Variants in G6PC1 observed in about 807,000 individuals in gnomAD.
G6PC1 encodes glucose-6-phosphatase catalytic subunit 1, also known as G-6-Pase.
G6PC1 carries 23 observed loss-of-function variants against 30.4 expected under a neutral mutation model. That is an observed-to-expected ratio of 0.76 (90% CI 0.55 to 1.07). G6PC1 has a LOEUF of 1.07. Ranked by LOEUF, G6PC1 falls within the 50% of genes least tolerant of loss-of-function variation. The probability of loss-of-function intolerance (pLI) is 0.00; values close to 1 mark genes in which losing one functional copy is unlikely to be tolerated. For synonymous variants in G6PC1, 163 were observed against 175.6 expected (o/e 0.93, Z 0.57); for missense variants, 391 against 433.9 (o/e 0.90, Z 0.88).
chr17:42,901,363 G>T (rs1199070270), intron 1 of G6PC1, among the ~76,000 whole-genome samples: 1 of 152,168 alleles, frequency 6.6e-6, no homozygotes, highest in Admixed American at 6.6e-5. Context: ...TGAAAAGTCT[G>T]AGTTATATAG....
intron 4 of G6PC1, among the ~76,000 whole-genome samples, chr17:42,909,812 AG>A (rs2056084236): frequency 6.6e-6 from 1 of 152,124 alleles, no homozygotes; most frequent in African/African-American, 2.4e-5. Context: ...CAAACCTAAT[AG>A]ATAACTGCAG....
intron 1 of G6PC1, among the ~76,000 whole-genome samples, chr17:42,901,750 AACAC>A (rs1355104523): frequency 6.6e-6 from 1 of 152,084 alleles, no homozygotes; most frequent in African/African-American, 2.4e-5. Context: ...GAAAAAAGGA[AACAC>A]ACAGATGATT....
At position 42,908,690 on chromosome 17, in the gene G6PC1, C is replaced by T. The variant is rs558199080; in HGVS notation, c.447-613C>T. 4.0e-5 allele frequency among the ~76,000 whole-genome samples: 6 copies of T among 150,046 alleles called. No individual in the cohort carries two copies. In the South Asian group the frequency reaches 1.3e-3, roughly 32 times the overall value. Reference sequence around the variant, plus strand: ...AAAGTGCTGGGATTGCAGGCATGAGCCACCGCGCCTGGCCTTTTTTTTTTT... The same window carrying T: ...AAAGTGCTGGGATTGCAGGCATGAGTCACCGCGCCTGGCCTTTTTTTTTTT... On this transcript the variant is annotated intron_variant, in intron 3 of 4. Coordinates refer to ENST00000253801, the MANE Select transcript of G6PC1 (RefSeq NM_000151.4).
intron 2 of G6PC1, among the ~76,000 whole-genome samples, chr17:42,906,706 A>C (rs564703368): frequency 6.6e-6 from 1 of 152,224 alleles, no homozygotes; most frequent in African/African-American, 2.4e-5. Context: ...ACAATCAAAC[A>C]AACAAACAAA....
chr17:42,903,803 G>A lies in G6PC1; in HGVS notation c.231-128G>A, dbSNP rs2056041773. 5.5e-6 allele frequency: 4 copies of A among 725,762 alleles called. No individual in the cohort carries two copies. The East Asian group carries it at 1.0e-4, about 19-fold the overall frequency. The allele number at this position is 725,762 out of a possible 1,614,324, so 45.0% of individuals were successfully genotyped here. A position where few individuals can be genotyped will look rare whatever the true frequency, so the allele number is the denominator to read the frequency against. On this transcript the variant is annotated intron_variant, in intron 1 of 4. Coordinates refer to ENST00000253801, the MANE Select transcript of G6PC1 (RefSeq NM_000151.4). Reference sequence around the variant, plus strand: ...TATCTCCCTCTCACACTTCTCCCCAGCCACCCAGTTCTCCCTTCTAGAGGC... The same window carrying A: ...TATCTCCCTCTCACACTTCTCCCCAACCACCCAGTTCTCCCTTCTAGAGGC...
At chr17:42,903,635 G>A (rs2056040763) in intron 1 of G6PC1, among the ~76,000 whole-genome samples, 1 of 151,942 alleles carries the variant, frequency 6.6e-6, no homozygotes. Context: ...GATCCCAGGA[G>A]GTAGAGGTCA....
In G6PC1 at chr17:42,909,350, A is replaced by C; in HGVS notation, c.494A>C (p.Asn165Thr). 3 of 1,614,146 alleles carry C rather than the reference A, an allele frequency of 1.9e-6. No individual in the cohort carries two copies. Among genetic ancestry groups the C allele is most frequent in the Non-Finnish European group, 2.5e-6 (3 of 1,180,030 alleles). Residue 165 changes from asparagine to threonine, a missense_variant, in exon 4 of 5, where the codon AAT becomes ACT. Physicochemically the swap from Asn to Thr is moderately conservative, Grantham distance 65. Transcript: ENST00000253801. ...TTGGGATTCTGGGCTGTGCAGCTGAATGTCTGTCTGTCACGAATCTACCTT... is the reference window on the plus strand; with the variant it reads ...TTGGGATTCTGGGCTGTGCAGCTGACTGTCTGTCTGTCACGAATCTACCTT... The part of the protein sequence containing the change: ...LWLGFWAVQL[N>T]VCLSRIYLAA...
At position 42,903,959 on chromosome 17, in the gene G6PC1, TG is replaced by T. The variant is rs755612674; in HGVS notation, c.262del (p.Val88PhefsTer14). ...WILFGQRPYW[W>X]VLDTDYYSNT... ...TCTCTTTGGACAGCGTCCATACTGG[TG>T]GGTTTTGGATACTGACTACTACAGC... On this transcript the variant is annotated frameshift_variant, in exon 2 of 5. Coordinates refer to ENST00000253801, the MANE Select transcript of G6PC1 (RefSeq NM_000151.4). LOFTEE classifies it high-confidence loss of function. 4 of 1,613,636 alleles carry T rather than the reference TG, an allele frequency of 2.5e-6. No individual in the cohort carries two copies. In the East Asian group the frequency reaches 8.9e-5, roughly 36 times the overall value.
intron 1 of G6PC1, among the ~76,000 whole-genome samples, chr17:42,901,720 A>C (rs1449431958): frequency 6.7e-6 from 1 of 149,978 alleles, no homozygotes; most frequent in East Asian, 1.9e-4. Flanking sequence ...AAAAAAAAAG[A>C]TAGATGATGT....
Position 42,911,160 on chromosome 17 carries a change from G to A in G6PC1, c.808G>A (p.Gly270Ser). 1 of 1,614,090 alleles carries A rather than the reference G, an allele frequency of 6.2e-7. No homozygotes were observed. Residue 270 changes from glycine to serine, a missense_variant, in exon 5 of 5, where the codon GGC becomes AGC. By Grantham distance (56) the Gly-to-Ser change is moderately conservative. Coordinates refer to ENST00000253801, the MANE Select transcript of G6PC1 (RefSeq NM_000151.4). Reference sequence around the variant, plus strand: ...CCTCAAGAACCTGGGCACGCTCTTTGGCCTGGGGCTGGCTCTCAACTCCAG... The same window carrying A: ...CCTCAAGAACCTGGGCACGCTCTTTAGCCTGGGGCTGGCTCTCAACTCCAG... ...SLLKNLGTLF[G>S]LGLALNSSMY...
chr17:42,911,636 A>G lies in G6PC1; in HGVS notation c.*210A>G. The G allele has an allele frequency of 3.0e-6, 2 of 662,840 alleles. No individual in the cohort carries two copies. Among genetic ancestry groups the G allele is most frequent in the Non-Finnish European group, 5.2e-6 (2 of 387,754 alleles). 41.1% of individuals were successfully genotyped at this position (662,840 alleles called of 1,614,324 possible). On this transcript the variant is annotated 3_prime_UTR_variant, in exon 5 of 5. Transcript: ENST00000253801. The stretch of plus-strand genomic sequence containing the variant: ...CTGCCCTCAGCACAGACTCTTTCAG[A>G]TGGAGGTGCCATATCACGTACACCA...
At chr17:42,905,890 C>A (rs1041439327) in intron 2 of G6PC1, among the ~76,000 whole-genome samples, 1 of 151,322 alleles carries the variant, frequency 6.6e-6, no homozygotes, top group Admixed American at 6.6e-5. Flanking sequence ...TAAAAAAATA[C>A]AAAAACTTAG....
At chr17:42,908,189 C>T (rs367676088) in intron 3 of G6PC1, among the ~76,000 whole-genome samples, 6 of 152,270 alleles carry the variant, frequency 3.9e-5, no homozygotes, top group African/African-American at 1.2e-4. Context: ...ACACCACACC[C>T]AGCTAATTTC....
Position 42,912,460 on chromosome 17 carries a change from C to T in G6PC1, c.*1034C>T, listed in dbSNP as rs2056102236. ...AGGCTAGAGGGCGACTCTGGTGGTG[C>T]TTTTGTATGTTTCAATTAGGCTCTG... On this transcript the variant is annotated 3_prime_UTR_variant, in exon 5 of 5. Transcript: ENST00000253801. 6.6e-6 allele frequency: 1 copy of T among 152,402 alleles called. No homozygotes were observed. Among genetic ancestry groups the T allele is most frequent in the Non-Finnish European group, 1.5e-5 (1 of 68,070 alleles). 9.4% of individuals were successfully genotyped at this position (152,402 alleles called of 1,614,324 possible). A position where few individuals can be genotyped will look rare whatever the true frequency, so the allele number is the denominator to read the frequency against.
chr17:42,906,657 T>C lies in G6PC1; in HGVS notation c.341-866T>C, dbSNP rs546282648. The stretch of plus-strand genomic sequence containing the variant: ...CTTTGGGAGGCCAAGGGTAGGAGGA[T>C]TGCTTGAGCCCAAGAGTTCAAAACC... On this transcript the variant is annotated intron_variant, in intron 2 of 4. Transcript: ENST00000253801. Among the ~76,000 whole-genome samples, 7 of 152,118 alleles carry C rather than the reference T, an allele frequency of 4.6e-5. 1 individual carries two copies. The East Asian group carries it at 9.7e-4, about 21-fold the overall frequency.
At position 42,911,581 on chromosome 17, in the gene G6PC1, G is replaced by A. The variant is rs1413343029; in HGVS notation, c.*155G>A. ...ATCACGGATGGCAGATTGGAGGGTC[G>A]CCTGGCTTATTCCCATGTGTGACTC... On this transcript the variant is annotated 3_prime_UTR_variant, in exon 5 of 5. Transcript: ENST00000253801. The A allele has an allele frequency of 1.1e-5, 13 of 1,139,680 alleles. No homozygotes were observed. Among genetic ancestry groups the A allele is most frequent in the Non-Finnish European group, 1.4e-5 (11 of 792,208 alleles). 70.6% of individuals were successfully genotyped at this position (1,139,680 alleles called of 1,614,324 possible).
At position 42,911,781 on chromosome 17, in the gene G6PC1, T is replaced by G. The variant is rs1201156001; in HGVS notation, c.*355T>G. 1 of 355,722 alleles carries G rather than the reference T, an allele frequency of 2.8e-6. No homozygotes were observed. Among genetic ancestry groups the G allele is most frequent in the Non-Finnish European group, 5.3e-6 (1 of 188,004 alleles). 22.0% of individuals were successfully genotyped at this position (355,722 alleles called of 1,614,324 possible). Reference sequence around the variant, plus strand: ...TGAATGGTCTTCTGCCAGCCCATTTTGAGGCCAGAGGTGCTGTCAGCTCAG... The same window carrying G: ...TGAATGGTCTTCTGCCAGCCCATTTGGAGGCCAGAGGTGCTGTCAGCTCAG... On this transcript the variant is annotated 3_prime_UTR_variant, in exon 5 of 5. Transcript: ENST00000253801.
intron 1 of G6PC1, among the ~76,000 whole-genome samples, chr17:42,903,122 C>T (rs2151929765): frequency 6.8e-6 from 1 of 146,974 alleles, no homozygotes; most frequent in Admixed American, 6.9e-5. Context: ...TGCTCTGTCA[C>T]CCAGCCTGTA....
At chr17:42,910,304 T>C (rs1363862446) in intron 4 of G6PC1, among the ~76,000 whole-genome samples, 2 of 152,130 alleles carry the variant, frequency 1.3e-5, no homozygotes, top group Admixed American at 1.3e-4. Flanking sequence ...CATAGCAGCA[T>C]TCAAAGAAGA....
Sources: gnomAD v4.1 joint callset for allele counts (sites outside exome capture counted in the v4.1 genomes callset) on GRCh38, gnomAD v4.1.1 for gene constraint, MANE v1.5 for transcripts, NCBI Gene and HGNC (gene_info 2026-07-23, HGNC 2026-07-21) for gene names.